The following TTLL5 variants were observed in gnomAD, a reference collection of about 807,000 sequenced individuals.
TTLL5 encodes the protein tubulin polyglutamylase TTLL5.
A neutral mutation model predicts 168.4 loss-of-function variants in TTLL5; 132 were observed. The ratio of observed to expected loss-of-function variants is 0.78; its 90% CI spans 0.68 to 0.91. The LOEUF (loss-of-function observed/expected upper bound fraction) is 0.91. TTLL5 is among the 40% of genes least tolerant of loss of function. The probability of loss-of-function intolerance (pLI) is 0.00; values close to 1 mark genes in which losing one functional copy is unlikely to be tolerated. For synonymous variants in TTLL5, 546 were observed against 558.6 expected, an observed-to-expected ratio of 0.98 and a Z score of 0.32; for missense variants, 1,545 against 1,581.5, an observed-to-expected ratio of 0.98 and a Z score of 0.39.
At chr14:75,768,483 A>G (rs1445166534) in intron 20 of TTLL5, among the ~76,000 whole-genome samples, 1 of 152,206 alleles carries the variant, frequency 6.6e-6, no homozygotes. Context: ...GCCAGCTAAA[A>G]GAAACGGATT....
intron 31 of TTLL5, among the ~76,000 whole-genome samples, chr14:75,914,033 A>AAAAAT: frequency 2.8e-5 from 2 of 71,118 alleles, no homozygotes; most frequent in Non-Finnish European, 4.1e-5. Context: ...AAAAAAAAAA[A>AAAAAT]ATATATATAT....
intron 5 of TTLL5, among the ~76,000 whole-genome samples, chr14:75,687,724 C>T (rs1321450499): frequency 6.6e-6 from 1 of 152,072 alleles, no homozygotes; most frequent in Non-Finnish European, 1.5e-5. Flanking sequence ...ACTCTTAAAA[C>T]TCAACCATAA....
chr14:75,945,998 C>A (rs1410769608), intron 31 of TTLL5, among the ~76,000 whole-genome samples: 1 of 152,190 alleles, frequency 6.6e-6, no homozygotes, highest in Non-Finnish European at 1.5e-5. Context: ...GCAAAAATAT[C>A]TTTCATGAAT....
intron 28 of TTLL5, among the ~76,000 whole-genome samples, chr14:75,860,299 G>C (rs1052751639): frequency 6.6e-6 from 1 of 152,156 alleles, no homozygotes; most frequent in African/African-American, 2.4e-5. Flanking sequence ...GGCCTGGTTT[G>C]GTTTCAGACT....
chr14:75,736,012 TG>T (rs1888880237), intron 15 of TTLL5, among the ~76,000 whole-genome samples: 1 of 152,240 alleles, frequency 6.6e-6, no homozygotes, highest in South Asian at 2.1e-4. Flanking sequence ...TTGATTGCTT[TG>T]CCTGCTCAGA....
intron 28 of TTLL5, among the ~76,000 whole-genome samples, chr14:75,858,699 G>A (rs896544459): frequency 6.6e-6 from 1 of 152,200 alleles, no homozygotes; most frequent in South Asian, 2.1e-4. Flanking sequence ...TGGAAAACGT[G>A]TATCCACCAC....
intron 18 of TTLL5, among the ~76,000 whole-genome samples, chr14:75,763,699 T>C (rs1480891463): frequency 6.6e-6 from 1 of 152,210 alleles, no homozygotes; most frequent in Non-Finnish European, 1.5e-5. Context: ...TTTGGTGACT[T>C]GGTTATGGCT....
chr14:75,784,078 TTA>T (rs985011754), intron 26 of TTLL5, among the ~76,000 whole-genome samples: 4 of 152,098 alleles, frequency 2.6e-5, no homozygotes, highest in Admixed American at 1.3e-4. Flanking sequence ...AATTCAGTGG[TTA>T]TATATATATC....
chr14:75,834,726 T>C (rs1384452069), intron 28 of TTLL5, among the ~76,000 whole-genome samples: 2 of 152,158 alleles, frequency 1.3e-5, no homozygotes, highest in Non-Finnish European at 2.9e-5. Flanking sequence ...GTCAGGACTT[T>C]TTCCTTTAAC....
chr14:75,821,936 T>C (rs1485495910), intron 28 of TTLL5, among the ~76,000 whole-genome samples: 1 of 152,142 alleles, frequency 6.6e-6, no homozygotes, highest in African/African-American at 2.4e-5. Context: ...CAAGTCCCAT[T>C]TCAGTTCAGG....
intron 30 of TTLL5, among the ~76,000 whole-genome samples, chr14:75,896,091 A>G (rs990846763): frequency 6.6e-6 from 1 of 152,226 alleles, no homozygotes; most frequent in Non-Finnish European, 1.5e-5. Flanking sequence ...TGACTTCACT[A>G]AATGTTTCAT....
intron 12 of TTLL5, chr14:75,727,690 T>C (rs1444602924): frequency 3.1e-6 from 1 of 326,366 alleles, no homozygotes; most frequent in Non-Finnish European, 6.1e-6. Flanking sequence ...TTGATAAATC[T>C]GCCTGAAAAC....
intron 17 of TTLL5, among the ~76,000 whole-genome samples, chr14:75,751,339 C>T (rs190457551): frequency 1.3e-4 from 20 of 152,224 alleles, no homozygotes; most frequent in Admixed American, 1.1e-3. Flanking sequence ...ACCGTTTCAC[C>T]GAAAGGAAGC....
intron 23 of TTLL5, among the ~76,000 whole-genome samples, chr14:75,779,357 T>C (rs1007383617): frequency 5.3e-5 from 8 of 152,174 alleles, no homozygotes; most frequent in African/African-American, 1.7e-4. Context: ...ACAGTGTAGA[T>C]CTAGAAAATT....
At chr14:75,936,703 G>A (rs2034443594) in intron 31 of TTLL5, among the ~76,000 whole-genome samples, 1 of 152,130 alleles carries the variant, frequency 6.6e-6, no homozygotes, top group Non-Finnish European at 1.5e-5. Flanking sequence ...TAATTGCTGT[G>A]GCCAAGGGGA....
intron 28 of TTLL5, among the ~76,000 whole-genome samples, chr14:75,845,146 C>G (rs759853783): frequency 1.3e-5 from 2 of 152,186 alleles, no homozygotes; most frequent in Non-Finnish European, 2.9e-5. Context: ...CTCTTGTTTT[C>G]TAAAGCTAGT....
chr14:75,796,359 CTCCCACT>C (rs1892997515), intron 27 of TTLL5, among the ~76,000 whole-genome samples: 1 of 152,182 alleles, frequency 6.6e-6, no homozygotes, highest in Admixed American at 6.5e-5. Context: ...TGAAGATTTT[CTCCCACT>C]GTGTGGGTTG....
chr14:75,891,587 G>A (rs1222565056), intron 30 of TTLL5, among the ~76,000 whole-genome samples: 1 of 152,136 alleles, frequency 6.6e-6, no homozygotes, highest in Non-Finnish European at 1.5e-5. Flanking sequence ...GCTTATATTC[G>A]TAAGTTCTCA....
intron 6 of TTLL5, among the ~76,000 whole-genome samples, chr14:75,693,307 A>G (rs903214923): frequency 6.6e-6 from 1 of 152,214 alleles, no homozygotes. Context: ...AGGGATTGGA[A>G]TAGCCTCTGC....
Sources: allele counts gnomAD v4.1 joint callset (sites outside exome capture counted in the v4.1 genomes callset), GRCh38; gene constraint gnomAD v4.1.1; transcripts MANE v1.5; gene names NCBI Gene and HGNC (gene_info 2026-07-23, HGNC 2026-07-21).